Variants in THUMPD2 observed in about 807,000 individuals in gnomAD.
THUMPD2 encodes the protein U6 snRNA (guanine-N(2))-methyltransferase THUMPD2.
THUMPD2 carries 56 observed loss-of-function variants against 49.4 expected under a neutral mutation model. The ratio of observed to expected loss-of-function variants is 1.13; its 90% CI spans 0.91 to 1.41. The LOEUF is 1.41. Among genes scored for constraint, THUMPD2 ranks in the 40% most tolerant of loss-of-function variants. THUMPD2 has a pLI of 0.00. For synonymous variants in THUMPD2, 237 were observed against 205.2 expected, an observed-to-expected ratio of 1.15 and a Z score of -1.32; for missense variants, 709 against 594.5, an observed-to-expected ratio of 1.19 and a Z score of -2.00.
chr2:39,758,467 T>C (rs1008745576), intron 6 of THUMPD2, among the ~76,000 whole-genome samples: 3 of 152,114 alleles, frequency 2.0e-5, no homozygotes, highest in African/African-American at 7.2e-5. Flanking sequence ...GGAACATGTG[T>C]GGGGCCTCCC....
chr2:39,741,885 A>G (rs1392978934), intron 9 of THUMPD2, among the ~76,000 whole-genome samples: 2 of 152,122 alleles, frequency 1.3e-5, no homozygotes, highest in Non-Finnish European at 2.9e-5. Context: ...GTACTCCGAT[A>G]TATTTAAATA....
intron 5 of THUMPD2, among the ~76,000 whole-genome samples, chr2:39,763,871 T>C (rs1181392960): frequency 6.6e-6 from 1 of 152,090 alleles, no homozygotes; most frequent in African/African-American, 2.4e-5. Context: ...ATCCCCCATG[T>C]AAATCAAACT....
chr2:39,742,505 C>T (rs1674022108), intron 9 of THUMPD2, among the ~76,000 whole-genome samples: 1 of 152,194 alleles, frequency 6.6e-6, no homozygotes, highest in African/African-American at 2.4e-5. Flanking sequence ...GAACTGTCTA[C>T]TCATAATACT....
intron 8 of THUMPD2, 148 bp downstream of exon 8, chr2:39,755,146 AG>A: frequency 2.2e-6 from 1 of 451,786 alleles, no homozygotes; most frequent in Non-Finnish European, 3.9e-6. Flanking sequence ...TAAAAAGGTT[AG>A]ACTATTAGAA....
chr2:39,769,317 C>T (rs13428837), intron 3 of THUMPD2: 116,144 of 257,770 alleles, frequency 0.45, 28,538 homozygotes, highest in East Asian at 0.82. Context: ...ACATTTAATT[C>T]CATAAGAACT....
At position 39,736,430 on chromosome 2, in the gene THUMPD2, G is replaced by GA. The variant is rs1191437439; in HGVS notation, c.*304dup. 7 of 232,496 alleles carry GA rather than the reference G, an allele frequency of 3.0e-5. No homozygotes were observed. The highest frequency in any genetic ancestry group is 2.1e-4 in the Admixed American group (4 of 19,400). 14.4% of individuals were successfully genotyped at this position (232,496 alleles called of 1,614,324 possible). On this transcript the variant is annotated 3_prime_UTR_variant, in exon 10 of 10. Coordinates refer to ENST00000505747, the MANE Select transcript of THUMPD2 (RefSeq NM_025264.5). ...TTGTGATACACTTAAGTGAACCCCTGAAAACCTTTATTTTGAAATTGAAGT... is the reference window on the plus strand; with the variant it reads ...TTGTGATACACTTAAGTGAACCCCTGAAAAACCTTTATTTTGAAATTGAAGT...
intron 1 of THUMPD2, among the ~76,000 whole-genome samples, chr2:39,773,408 G>T (rs1045151967): frequency 2.6e-5 from 4 of 151,572 alleles, no homozygotes; most frequent in African/African-American, 7.3e-5. Context: ...CTAGACCAGT[G>T]ACTTTAACCT....
At chr2:39,755,745 C>T in intron 7 of THUMPD2, 144 bp downstream of exon 7, 1 of 619,504 alleles carries the variant, frequency 1.6e-6, no homozygotes, top group East Asian at 3.0e-5. Flanking sequence ...ATTAGTCCCT[C>T]ATCATCTATT....
intron 3 of THUMPD2, chr2:39,768,790 A>T: frequency 1.2e-6 from 1 of 852,716 alleles, no homozygotes; most frequent in Non-Finnish European, 1.7e-6. Flanking sequence ...TGACCTGATA[A>T]ATATGATCAT....
intron 1 of THUMPD2, among the ~76,000 whole-genome samples, chr2:39,775,304 T>C (rs990922012): frequency 6.6e-6 from 1 of 152,078 alleles, no homozygotes; most frequent in African/African-American, 2.4e-5. Flanking sequence ...TTTAAATCTA[T>C]GCAAAAACAC....
chr2:39,775,600 C>T (rs1214613405), intron 1 of THUMPD2, among the ~76,000 whole-genome samples: 1 of 151,724 alleles, frequency 6.6e-6, no homozygotes, highest in African/African-American at 2.4e-5. Context: ...TTAGCAGAAA[C>T]CCTGTCTGTA....
In THUMPD2 at chr2:39,736,613, T is replaced by A; in HGVS notation, c.*122A>T. On this transcript the variant is annotated 3_prime_UTR_variant, in exon 10 of 10. Transcript: ENST00000505747. ...ATGTGTACCCATCAGCCACACCTCC[T>A]GTCTTTGGGGGAATTTGGTTACTTG... 2 of 813,052 alleles carry A rather than the reference T, an allele frequency of 2.5e-6. No homozygotes were observed. The highest frequency in any genetic ancestry group is 3.6e-4 in the Middle Eastern group (1 of 2,776). The allele number at this position is 813,052 out of a possible 1,614,324, so 50.4% of individuals were successfully genotyped here. A position where few individuals can be genotyped will look rare whatever the true frequency, so the allele number is the denominator to read the frequency against.
At chr2:39,766,227 G>T in intron 4 of THUMPD2, 118 bp from the exon 5 acceptor site, 1 of 637,868 alleles carries the variant, frequency 1.6e-6, no homozygotes. Context: ...AAACTCCAAG[G>T]CCTTATTCAT....
intron 6 of THUMPD2, among the ~76,000 whole-genome samples, chr2:39,760,050 G>A (rs1490698840): frequency 6.6e-6 from 1 of 152,178 alleles, no homozygotes; most frequent in African/African-American, 2.4e-5. Flanking sequence ...GTATTACGTG[G>A]AATTCTATCT....
chr2:39,758,082 A>G (rs150405257), intron 6 of THUMPD2, among the ~76,000 whole-genome samples: 2 of 152,198 alleles, frequency 1.3e-5, no homozygotes, highest in African/African-American at 4.8e-5. Context: ...TTTATCAAGC[A>G]TTATCTTTGT....
At chr2:39,775,419 T>C (rs1678940968) in intron 1 of THUMPD2, among the ~76,000 whole-genome samples, 8 of 151,988 alleles carry the variant, frequency 5.3e-5, no homozygotes, top group Admixed American at 4.6e-4. Flanking sequence ...GTTGTTTGAG[T>C]TTGTTTTGGT....
intron 5 of THUMPD2, among the ~76,000 whole-genome samples, chr2:39,762,084 A>G (rs2148296449): frequency 6.6e-6 from 1 of 152,286 alleles, no homozygotes; most frequent in Non-Finnish European, 1.5e-5. Flanking sequence ...TCAAAATGTC[A>G]TCTATTATTT....
chr2:39,762,080 T>C (rs1348616655), intron 5 of THUMPD2, among the ~76,000 whole-genome samples: 4 of 152,178 alleles, frequency 2.6e-5, no homozygotes, highest in Admixed American at 6.5e-5. Context: ...ATTTTCAAAA[T>C]GTCATCTATT....
At chr2:39,763,339 A>T (rs575500430) in intron 5 of THUMPD2, among the ~76,000 whole-genome samples, 1 of 152,218 alleles carries the variant, frequency 6.6e-6, no homozygotes, top group South Asian at 2.1e-4. Flanking sequence ...AACTGAATAC[A>T]CTATCCTGGA....
Sources: allele counts gnomAD v4.1 joint callset (sites outside exome capture counted in the v4.1 genomes callset), GRCh38; gene constraint gnomAD v4.1.1; transcripts MANE v1.5; gene names NCBI Gene and HGNC (gene_info 2026-07-23, HGNC 2026-07-21).